ELF3: variants seen among roughly 807,000 people sequenced by gnomAD.
ELF3 encodes the protein ETS-related transcription factor Elf-3.
Under a neutral mutation model 43.9 loss-of-function variants are expected in ELF3, and 18 were observed. The ratio of observed to expected loss-of-function variants is 0.41; its 90% CI spans 0.28 to 0.61. The LOEUF (loss-of-function observed/expected upper bound fraction) is 0.61. Ranked by LOEUF, ELF3 falls within the 20% of genes least tolerant of loss-of-function variation. ELF3 has a pLI of 0.30. For synonymous variants in ELF3, 181 were observed against 190.2 expected, an observed-to-expected ratio of 0.95 and a Z score of 0.40; for missense variants, 373 against 487.7, an observed-to-expected ratio of 0.76 and a Z score of 2.21.
intron 8 of ELF3, 98 bp from the exon 9 acceptor site, chr1:202,015,111 A>G: frequency 8.3e-7 from 1 of 1,209,030 alleles, no homozygotes; most frequent in Middle Eastern, 2.4e-4. Context: ...ACCAGTGGGC[A>G]TGGGTTACCT....
At chr1:202,011,012 T>TAC in intron 1 of ELF3, 117 bp from the exon 2 acceptor site, 1 of 1,165,106 alleles carries the variant, frequency 8.6e-7, no homozygotes, top group Non-Finnish European at 1.2e-6. Flanking sequence ...GAGTTGCTGA[T>TAC]CTTCCTGCCC....
In ELF3 at chr1:202,012,888, G is replaced by T. The variant is rs1684237352; in HGVS notation, c.599-59G>T. The T allele has an allele frequency of 6.4e-7, 1 of 1,569,254 alleles. No homozygotes were observed. Among genetic ancestry groups the T allele is most frequent in the Admixed American group, 1.8e-5 (1 of 54,404 alleles). On this transcript the variant is annotated intron_variant, in intron 5 of 8. Transcript: ENST00000367284. This position sits in a 1 kb window ranked among gnomAD's most constrained non-coding sequence, Gnocchi z 4.2. The stretch of plus-strand genomic sequence containing the variant: ...GCTGGGAAGTGTGTCCTGAGAGCCA[G>T]CAGCGTGGTTGAGCAGAGGGTGGGC...
At position 202,012,036 on chromosome 1, in the gene ELF3, G is replaced by A. The variant is rs200193432; in HGVS notation, c.243G>A (p.Glu81=). 5.8e-5 allele frequency: 94 copies of A among 1,614,128 alleles called. No individual in the cohort carries two copies. The highest frequency in any genetic ancestry group is 7.7e-5 in the Non-Finnish European group (91 of 1,180,058). The change falls in exon 3 of 9, where the codon GAG becomes GAA. Residue 81 remains glutamate, a synonymous_variant. Coordinates refer to ENST00000367284, the MANE Select transcript of ELF3 (RefSeq NM_004433.5). This position sits in a 1 kb window ranked among gnomAD's most constrained non-coding sequence, Gnocchi z 4.2. Reference sequence around the variant, plus strand: ...TGGACTGGATCAGCTACCAAGTGGAGAAGAACAAGTACGACGCAAGCGCCA... The same window carrying A: ...TGGACTGGATCAGCTACCAAGTGGAAAAGAACAAGTACGACGCAAGCGCCA... ...QVLDWISYQV[E]KNKYDASAID... is the part of the protein sequence containing the mutation.
At chr1:202,011,738 G>T in intron 2 of ELF3, 1 of 573,434 alleles carries the variant, frequency 1.7e-6, no homozygotes, top group Non-Finnish European at 3.1e-6. Flanking sequence ...TTATCCCAGC[G>T]TGGTGGTGGG....
rs1435731710 is a variant in ELF3, at chr1:202,016,904, G to A, written c.*1581G>A. 1.3e-5 allele frequency: 2 copies of A among 152,214 alleles called. No homozygotes were observed. The highest frequency in any genetic ancestry group is 4.8e-5 in the African/African-American group (2 of 41,446). 9.4% of individuals were successfully genotyped at this position (152,214 alleles called of 1,614,324 possible). A position where few individuals can be genotyped will look rare whatever the true frequency, so the allele number is the denominator to read the frequency against. On this transcript the variant is annotated 3_prime_UTR_variant, in exon 9 of 9. Coordinates refer to ENST00000367284, the MANE Select transcript of ELF3 (RefSeq NM_004433.5). ...TCTGTCCTAAAACCGTTTCCCGGAA[G>A]CTTTTCCTGGTGTGGGCGCTTCTAA...
rs1375671526 is a variant in ELF3, at chr1:202,013,765, G to A, written c.806-64G>A. ...GTCAGCAGTGCACTGGGGCGGGCAG[G>A]GCTGGCTGGCCTTGGGTGAGAGGGG... On this transcript the variant is annotated intron_variant, in intron 7 of 8. Coordinates refer to ENST00000367284, the MANE Select transcript of ELF3 (RefSeq NM_004433.5). The surrounding 1 kb of genome is among the most constrained non-coding windows in gnomAD (Gnocchi z 5.7). 14 of 1,538,534 alleles carry A rather than the reference G, an allele frequency of 9.1e-6. No individual in the cohort carries two copies. The highest frequency in any genetic ancestry group is 1.9e-4 in the Middle Eastern group (1 of 5,318).
chr1:202,013,727 A>C lies in ELF3; in HGVS notation c.806-102A>C. 2 of 1,314,916 alleles carry C rather than the reference A, an allele frequency of 1.5e-6. No homozygotes were observed. Among genetic ancestry groups the C allele is most frequent in the South Asian group, 2.9e-5 (2 of 68,732 alleles). 81.5% of individuals were successfully genotyped at this position (1,314,916 alleles called of 1,614,324 possible). ...CGGGGTCTCTGGAGAGGCTTGCTGC[A>C]TGCTGTGGCCAAGTCAGCAGTGCAC... On this transcript the variant is annotated intron_variant, in intron 7 of 8. Coordinates refer to ENST00000367284, the MANE Select transcript of ELF3 (RefSeq NM_004433.5). The surrounding 1 kb of genome is among the most constrained non-coding windows in gnomAD (Gnocchi z 5.7).
At position 202,010,897 on chromosome 1, in the gene ELF3, G is replaced by T; in HGVS notation, c.-9+191G>T. The T allele has an allele frequency of 1.9e-6, 1 of 528,390 alleles. No homozygotes were observed. The highest frequency in any genetic ancestry group is 3.5e-5 in the East Asian group (1 of 28,620). 32.7% of individuals were successfully genotyped at this position (528,390 alleles called of 1,614,324 possible). ...GAATGGCCATGACGCCGCTAGTCTG[G>T]CTCCAGGGCCCCAGAGATCTGAGGA... On this transcript the variant is annotated intron_variant, in intron 1 of 8. Transcript: ENST00000367284. This position sits in a 1 kb window ranked among gnomAD's most constrained non-coding sequence, Gnocchi z 4.3.
Position 202,010,842 on chromosome 1 carries a change from G to C in ELF3, c.-9+136G>C. 1 of 402,196 alleles carries C rather than the reference G, an allele frequency of 2.5e-6. No individual in the cohort carries two copies. Among genetic ancestry groups the C allele is most frequent in the Non-Finnish European group, 4.6e-6 (1 of 219,748 alleles). 24.9% of individuals were successfully genotyped at this position (402,196 alleles called of 1,614,324 possible). A position where few individuals can be genotyped will look rare whatever the true frequency, so the allele number is the denominator to read the frequency against. The stretch of plus-strand genomic sequence containing the variant: ...GAGCGTAGGTGTCCTGAGGGTCAAA[G>C]AACAGAGAGAGATTGTCTCTGGGAA... On this transcript the variant is annotated intron_variant, in intron 1 of 8. Transcript: ENST00000367284. This position sits in a 1 kb window ranked among gnomAD's most constrained non-coding sequence, Gnocchi z 4.3.
chr1:202,011,786 A>T (rs1684202405), intron 2 of ELF3, 171 bp from the exon 3 acceptor site: 11 of 640,644 alleles, frequency 1.7e-5, no homozygotes, highest in Non-Finnish European at 2.9e-5. Context: ...CTGACGCAGG[A>T]GTATCGCTTG....
Position 202,016,008 on chromosome 1 carries a change from T to A in ELF3, c.*685T>A, listed in dbSNP as rs1182227722. 1 of 152,162 alleles carries A rather than the reference T, an allele frequency of 6.6e-6. No homozygotes were observed. Among genetic ancestry groups the A allele is most frequent in the Non-Finnish European group, 1.5e-5 (1 of 68,064 alleles). The allele number at this position is 152,162 out of a possible 1,614,324, so 9.4% of individuals were successfully genotyped here. A position where few individuals can be genotyped will look rare whatever the true frequency, so the allele number is the denominator to read the frequency against. On this transcript the variant is annotated 3_prime_UTR_variant, in exon 9 of 9. Coordinates refer to ENST00000367284, the MANE Select transcript of ELF3 (RefSeq NM_004433.5). ...AGTGCCTTCTGGGCTTTTTCTAACC[T>A]TTGTCTTAGCTACCTGTGTACTGAA...
At position 202,015,696 on chromosome 1, in the gene ELF3, G is replaced by A; in HGVS notation, c.*373G>A. 1 of 244,856 alleles carries A rather than the reference G, an allele frequency of 4.1e-6. No individual in the cohort carries two copies. The highest frequency in any genetic ancestry group is 8.5e-5 in the East Asian group (1 of 11,796). The allele number at this position is 244,856 out of a possible 1,614,324, so 15.2% of individuals were successfully genotyped here. ...GGAGGCCCTAGGGGAGCACCGTGATGGAGAGGACAGAGCAGGGGCTCCAGC... is the reference window on the plus strand; with the variant it reads ...GGAGGCCCTAGGGGAGCACCGTGATAGAGAGGACAGAGCAGGGGCTCCAGC... On this transcript the variant is annotated 3_prime_UTR_variant, in exon 9 of 9. Transcript: ENST00000367284.
chr1:202,012,447 G>A lies in ELF3; in HGVS notation c.478+11G>A, dbSNP rs200025246. 228 of 1,613,198 alleles carry A rather than the reference G, an allele frequency of 1.4e-4. 1 individual carries two copies. In the East Asian group the frequency reaches 1.8e-3, roughly 13 times the overall value. ...ACCCAGGGCCCTTTGGTGAGAACCC[G>A]TTTTCTCCTTCCTTCCCCAGCCTGT... On this transcript the variant is annotated intron_variant, in intron 4 of 8. Transcript: ENST00000367284. The surrounding 1 kb of genome is among the most constrained non-coding windows in gnomAD (Gnocchi z 4.2).
rs754180574 is a variant in ELF3, at chr1:202,012,050, A to T, written c.257A>T (p.Asp86Val). The change falls in exon 3 of 9, where the codon GAC becomes GTC. Residue 86 changes from aspartate to valine, a missense_variant. Physicochemically the swap from Asp to Val is radical, Grantham distance 152. Around this residue, in one of 3 missense-constraint regions of ELF3, gnomAD observed 311 missense variants for 351.2 expected, o/e 0.89. Transcript: ENST00000367284. This position sits in a 1 kb window ranked among gnomAD's most constrained non-coding sequence, Gnocchi z 4.2. ...TACCAAGTGGAGAAGAACAAGTACG[A>T]CGCAAGCGCCATTGACTTCTCACGA... is the stretch of plus-strand genomic sequence containing the variant. ...ISYQVEKNKY[D>V]ASAIDFSRCD... is the part of the protein sequence containing the mutation. 1 of 1,614,230 alleles carries T rather than the reference A, an allele frequency of 6.2e-7. No homozygotes were observed. The highest frequency in any genetic ancestry group is 2.2e-5 in the East Asian group (1 of 44,888).
Position 202,010,808 on chromosome 1 carries a change from T to G in ELF3, c.-9+102T>G. On this transcript the variant is annotated intron_variant, in intron 1 of 8. Coordinates refer to ENST00000367284, the MANE Select transcript of ELF3 (RefSeq NM_004433.5). The surrounding 1 kb of genome is among the most constrained non-coding windows in gnomAD (Gnocchi z 4.3). ...AACCTGCACACTCCAGTCTAGGATCTCCGAGCAAGAGCGTAGGTGTCCTGA... is the reference window on the plus strand; with the variant it reads ...AACCTGCACACTCCAGTCTAGGATCGCCGAGCAAGAGCGTAGGTGTCCTGA... 3.4e-6 allele frequency: 1 copy of G among 292,706 alleles called. No homozygotes were observed. Among genetic ancestry groups the G allele is most frequent in the Non-Finnish European group, 6.5e-6 (1 of 153,712 alleles). The allele number at this position is 292,706 out of a possible 1,614,324, so 18.1% of individuals were successfully genotyped here. A position where few individuals can be genotyped will look rare whatever the true frequency, so the allele number is the denominator to read the frequency against.
At chr1:202,011,873 A>G (rs1351816874) in intron 2 of ELF3, 84 bp from the exon 3 acceptor site, 2 of 1,249,774 alleles carry the variant, frequency 1.6e-6, no homozygotes, top group African/African-American at 1.7e-5. Context: ...GTGAGACTCC[A>G]TCTCAAAAAA....
Position 202,013,496 on chromosome 1 carries a change from A to G in ELF3, c.805+198A>G, listed in dbSNP as rs187864078. 4.6e-5 allele frequency among the ~76,000 whole-genome samples: 7 copies of G among 152,082 alleles called. No individual in the cohort carries two copies. In the South Asian group the frequency reaches 8.3e-4, roughly 18 times the overall value. On this transcript the variant is annotated intron_variant, in intron 7 of 8. Coordinates refer to ENST00000367284, the MANE Select transcript of ELF3 (RefSeq NM_004433.5). The surrounding 1 kb of genome is among the most constrained non-coding windows in gnomAD (Gnocchi z 5.7). ...GCCTGGCTTGGTGGTCCTGGAGAGG[A>G]GGAGGAAATAAGGCTCCCAGTGGGA...
At chr1:202,014,183 G>A (rs1291753369) in intron 8 of ELF3, among the ~76,000 whole-genome samples, 159 bp downstream of exon 8, 1 of 152,228 alleles carries the variant, frequency 6.6e-6, no homozygotes, top group Non-Finnish European at 1.5e-5. Flanking sequence ...TGGATTAAAT[G>A]ACAACATGGA....
At chr1:202,011,748 G>T in intron 2 of ELF3, 1 of 584,662 alleles carries the variant, frequency 1.7e-6, no homozygotes, top group Non-Finnish European at 3.0e-6. Context: ...GTGGTGGTGG[G>T]CACCTATAAT....
Sources: allele counts gnomAD v4.1 joint callset (sites outside exome capture counted in the v4.1 genomes callset), GRCh38; gene constraint gnomAD v4.1.1; regional missense constraint gnomAD v4.1.1; non-coding constraint Gnocchi (gnomAD v3.1); transcripts MANE v1.5; gene names NCBI Gene and HGNC (gene_info 2026-07-23, HGNC 2026-07-21).